Variants in CDYL2 observed in about 807,000 individuals in gnomAD.
CDYL2 encodes chromodomain Y like 2.
A neutral mutation model predicts 49.4 loss-of-function variants in CDYL2; 23 were observed. The observed-to-expected ratio is 0.47, with a 90% CI of 0.34 to 0.66. The LOEUF (loss-of-function observed/expected upper bound fraction) is 0.66. Among genes scored for constraint, CDYL2 ranks in the 30% least tolerant of loss-of-function variants. The probability of loss-of-function intolerance (pLI) is 0.01; values close to 1 mark genes in which losing one functional copy is unlikely to be tolerated. For synonymous variants in CDYL2, 360 were observed against 268.8 expected (o/e 1.34, Z -3.32); for missense variants, 678 against 656.4 (o/e 1.03, Z -0.36).
intron 1 of CDYL2, among the ~76,000 whole-genome samples, chr16:80,746,469 T>C (rs1905934449): frequency 6.6e-6 from 1 of 152,212 alleles, no homozygotes; most frequent in Non-Finnish European, 1.5e-5. Flanking sequence ...GTGTGAATTC[T>C]GAGCAATTTT....
At chr16:80,706,369 T>C (rs1904404597) in intron 1 of CDYL2, among the ~76,000 whole-genome samples, 1 of 152,150 alleles carries the variant, frequency 6.6e-6, no homozygotes, top group South Asian at 2.1e-4. Flanking sequence ...AGTGAAGGGC[T>C]CAAGCTCTCG....
At chr16:80,776,285 T>C (rs1168618657) in intron 1 of CDYL2, among the ~76,000 whole-genome samples, 2 of 152,006 alleles carry the variant, frequency 1.3e-5, no homozygotes, top group African/African-American at 4.8e-5. Context: ...TAAAAACAAA[T>C]TAAGCCTGAA....
chr16:80,680,613 A>AAG (rs1169464977), intron 2 of CDYL2, among the ~76,000 whole-genome samples: 2 of 152,204 alleles, frequency 1.3e-5, no homozygotes, highest in Non-Finnish European at 2.9e-5. Flanking sequence ...TTTTAGAAAA[A>AAG]AGAGAGAGAT....
Position 80,665,114 on chromosome 16 carries a change from T to C in CDYL2, c.616+19424A>G, listed in dbSNP as rs370337874. ...AAATATTTCATGAAGAAATCATAAATGGCATTTATTAATGATGCTTGAAAT... is the reference window on the plus strand; with the variant it reads ...AAATATTTCATGAAGAAATCATAAACGGCATTTATTAATGATGCTTGAAAT... On this transcript the variant is annotated intron_variant, in intron 2 of 6. Transcript: ENST00000570137. 1.4e-3 allele frequency among the ~76,000 whole-genome samples: 213 copies of C among 152,312 alleles called. 4 individuals are homozygous for C. In the South Asian group the frequency reaches 0.043, roughly 31 times the overall value.
chr16:80,607,379 G>T (rs1388789755), intron 6 of CDYL2, among the ~76,000 whole-genome samples: 1 of 152,102 alleles, frequency 6.6e-6, no homozygotes, highest in Non-Finnish European at 1.5e-5. Context: ...GAGGGGCAAG[G>T]GTCTGGCCCC....
chr16:80,654,662 G>T (rs1315986053), intron 2 of CDYL2, among the ~76,000 whole-genome samples: 1 of 152,108 alleles, frequency 6.6e-6, no homozygotes, highest in East Asian at 1.9e-4. Flanking sequence ...CCTAAGGCAG[G>T]GACCAGAAAA....
At chr16:80,674,154 T>G (rs904366092) in intron 2 of CDYL2, among the ~76,000 whole-genome samples, 4 of 152,196 alleles carry the variant, frequency 2.6e-5, no homozygotes, top group Non-Finnish European at 5.9e-5. Flanking sequence ...CTTGGTTCAC[T>G]AAGAGTACCT....
At chr16:80,608,737 T>C (rs550260014) in intron 5 of CDYL2, among the ~76,000 whole-genome samples, 2 of 151,990 alleles carry the variant, frequency 1.3e-5, no homozygotes, top group East Asian at 1.9e-4. Flanking sequence ...GGACCATCCA[T>C]GGCTGTGTCC....
chr16:80,717,133 G>C (rs879686307), intron 1 of CDYL2, among the ~76,000 whole-genome samples: 2 of 150,134 alleles, frequency 1.3e-5, no homozygotes, highest in African/African-American at 4.9e-5. Context: ...TGAATGGATG[G>C]GTGGACTGGA....
chr16:80,636,535 C>A (rs1907833742), intron 2 of CDYL2, among the ~76,000 whole-genome samples: 1 of 152,112 alleles, frequency 6.6e-6, no homozygotes, highest in African/African-American at 2.4e-5. Context: ...GAATGGAGAT[C>A]ATTAAGAAGT....
chr16:80,681,665 A>G (rs1909972010), intron 2 of CDYL2, among the ~76,000 whole-genome samples: 1 of 152,182 alleles, frequency 6.6e-6, no homozygotes, highest in African/African-American at 2.4e-5. Context: ...TGGCTGGGAC[A>G]ATTATCACAC....
At chr16:80,689,636 CA>C (rs1168419244) in intron 1 of CDYL2, among the ~76,000 whole-genome samples, 2 of 152,152 alleles carry the variant, frequency 1.3e-5, no homozygotes, top group African/African-American at 4.8e-5. Context: ...GGAACAGCAA[CA>C]AGAGGAACGG....
chr16:80,625,098 T>C (rs555271311), intron 3 of CDYL2, among the ~76,000 whole-genome samples: 1 of 152,332 alleles, frequency 6.6e-6, no homozygotes, highest in South Asian at 2.1e-4. Flanking sequence ...AAAATTACTA[T>C]AAATTTGGCA....
intron 6 of CDYL2, among the ~76,000 whole-genome samples, chr16:80,607,659 C>T (rs1456724523): frequency 6.6e-6 from 1 of 152,186 alleles, no homozygotes; most frequent in Non-Finnish European, 1.5e-5. Flanking sequence ...TTAAATGTGA[C>T]GAGCAGTCGG....
intron 2 of CDYL2, among the ~76,000 whole-genome samples, chr16:80,681,059 G>A (rs888189253): frequency 1.3e-5 from 2 of 152,152 alleles, no homozygotes; most frequent in Admixed American, 6.5e-5. Flanking sequence ...CCACCCGCCG[G>A]AGCCCCAATT....
intron 2 of CDYL2, among the ~76,000 whole-genome samples, chr16:80,663,812 C>T (rs1409683849): frequency 2.0e-5 from 3 of 152,248 alleles, no homozygotes; most frequent in African/African-American, 4.8e-5. Flanking sequence ...AGACTGGTCT[C>T]GAATTCCTGA....
intron 2 of CDYL2, among the ~76,000 whole-genome samples, chr16:80,641,414 G>T (rs1010844903): frequency 6.6e-6 from 1 of 151,994 alleles, no homozygotes; most frequent in Non-Finnish European, 1.5e-5. Flanking sequence ...AACATGAAGG[G>T]GGAATAAAGA....
In CDYL2 at chr16:80,699,068, T is replaced by C. The variant is rs184183113; in HGVS notation, c.25-13939A>G. Among the ~76,000 whole-genome samples, 69 of 152,248 alleles carry C rather than the reference T, an allele frequency of 4.5e-4. 1 individual carries two copies. Among genetic ancestry groups the C allele is most frequent in the African/African-American group, 1.6e-3 (66 of 41,522 alleles). On this transcript the variant is annotated intron_variant, in intron 1 of 6. Coordinates refer to ENST00000570137, the MANE Select transcript of CDYL2 (RefSeq NM_152342.4). ...ACTTTATAAACTGTTGGTGGGAATG[T>C]AAATTAGTAAAGACATGGAAAATAG...
chr16:80,684,419 G>A (rs2142474760), intron 2 of CDYL2, 119 bp downstream of exon 2: 1 of 924,082 alleles, frequency 1.1e-6, no homozygotes, highest in Admixed American at 2.6e-5. Context: ...AGGGGGAATT[G>A]CTGGCTAGCT....
Sources: gnomAD v4.1 joint callset for allele counts (sites outside exome capture counted in the v4.1 genomes callset) on GRCh38, gnomAD v4.1.1 for gene constraint, MANE v1.5 for transcripts, NCBI Gene and HGNC (gene_info 2026-07-23, HGNC 2026-07-21) for gene names.